The following ATP8A2 variants were observed in gnomAD, a reference collection of about 807,000 sequenced individuals.
ATP8A2 encodes the protein ATPase phospholipid transporting 8A2.
ATP8A2 carries 100 observed loss-of-function variants against 165.6 expected under a neutral mutation model. The observed-to-expected ratio is 0.60, with a 90% confidence interval of 0.51 to 0.71. ATP8A2 has a LOEUF of 0.71. Ranked by LOEUF, ATP8A2 falls within the 30% of genes least tolerant of loss-of-function variation. The pLI is 0.00. For synonymous variants in ATP8A2, 543 were observed against 548.8 expected, an observed-to-expected ratio of 0.99 and a Z score of 0.15; for missense variants, 1,227 against 1,479.5, an observed-to-expected ratio of 0.83 and a Z score of 2.80.
chr13:25,962,847 T>G (rs1158196848), intron 34 of ATP8A2, among the ~76,000 whole-genome samples: 1 of 152,208 alleles, frequency 6.6e-6, no homozygotes, highest in African/African-American at 2.4e-5. Flanking sequence ...TGACAACCGA[T>G]GATACCTCAT....
At chr13:25,513,587 T>A (rs939103816) in intron 2 of ATP8A2, among the ~76,000 whole-genome samples, 3 of 151,854 alleles carry the variant, frequency 2.0e-5, no homozygotes, top group African/African-American at 7.3e-5. Flanking sequence ...TCTCGGCACT[T>A]TGGGAGGCCA....
At chr13:25,831,976 G>A (rs558278743) in intron 28 of ATP8A2, among the ~76,000 whole-genome samples, 1 of 151,840 alleles carries the variant, frequency 6.6e-6, no homozygotes, top group South Asian at 2.1e-4. Context: ...TTTCACTCCT[G>A]TTGCCCAGGC....
intron 35 of ATP8A2, among the ~76,000 whole-genome samples, chr13:25,971,001 GGT>G (rs751675099): frequency 6.6e-6 from 1 of 151,782 alleles, no homozygotes; most frequent in Non-Finnish European, 1.5e-5. Context: ...CATATGATGG[GGT>G]GTGTGTGTGT....
intron 24 of ATP8A2, among the ~76,000 whole-genome samples, chr13:25,631,329 A>G (rs1463503489): frequency 6.6e-6 from 1 of 152,190 alleles, no homozygotes; most frequent in African/African-American, 2.4e-5. Context: ...TTTATATGTA[A>G]TTAGGCACAT....
Position 25,742,629 on chromosome 13 carries a change from TC to T in ATP8A2, c.2385-26410del, listed in dbSNP as rs902531718. Among the ~76,000 whole-genome samples, 401 of 149,836 alleles carry T rather than the reference TC, an allele frequency of 2.7e-3. 4 individuals carry two copies. The highest frequency in any genetic ancestry group is 9.3e-3 in the African/African-American group (381 of 40,818). On this transcript the variant is annotated intron_variant, in intron 25 of 36. Coordinates refer to ENST00000381655, the MANE Select transcript of ATP8A2 (RefSeq NM_016529.6). ...TCCTAAACATATTTGACTTAATTAA[TC>T]CCCCCCACACACCCCACTCCACTTT...
chr13:25,576,623 C>A (rs940122438), intron 19 of ATP8A2, among the ~76,000 whole-genome samples: 1 of 152,070 alleles, frequency 6.6e-6, no homozygotes, highest in Admixed American at 6.5e-5. Flanking sequence ...TTTGTGATTT[C>A]TTTCTACTCC....
At chr13:26,002,514 T>C (rs907711862) in intron 35 of ATP8A2, among the ~76,000 whole-genome samples, 2 of 151,248 alleles carry the variant, frequency 1.3e-5, no homozygotes, top group African/African-American at 2.4e-5. Context: ...TGTATACATA[T>C]GTAACAAACC....
At chr13:25,936,633 A>G (rs1445110126) in intron 33 of ATP8A2, among the ~76,000 whole-genome samples, 1 of 152,244 alleles carries the variant, frequency 6.6e-6, no homozygotes, top group Non-Finnish European at 1.5e-5. Flanking sequence ...GCATCCGAGT[A>G]GAATCCTCTG....
intron 1 of ATP8A2, among the ~76,000 whole-genome samples, chr13:25,423,293 C>T (rs1467928309): frequency 1.3e-5 from 2 of 152,172 alleles, no homozygotes; most frequent in Admixed American, 6.5e-5. Flanking sequence ...TGATAGCTTT[C>T]CTTATTTGTA....
At chr13:25,935,088 C>G (rs1404405000) in intron 33 of ATP8A2, among the ~76,000 whole-genome samples, 1 of 152,174 alleles carries the variant, frequency 6.6e-6, no homozygotes, top group Non-Finnish European at 1.5e-5. Flanking sequence ...CCAGCAAACA[C>G]CCTACAAAGA....
At chr13:25,442,533 C>A (rs1365089167) in intron 1 of ATP8A2, among the ~76,000 whole-genome samples, 1 of 151,334 alleles carries the variant, frequency 6.6e-6, no homozygotes, top group East Asian at 1.9e-4. Context: ...CCTGCCTCAG[C>A]CTCCTGAGTA....
At chr13:26,006,675 A>G (rs541883772) in intron 35 of ATP8A2, among the ~76,000 whole-genome samples, 4 of 151,966 alleles carry the variant, frequency 2.6e-5, no homozygotes, top group Non-Finnish European at 5.9e-5. Context: ...TTTCATGATA[A>G]GGAATTTCCC....
chr13:25,673,427 G>A (rs1188992860), intron 24 of ATP8A2, among the ~76,000 whole-genome samples: 11 of 152,228 alleles, frequency 7.2e-5, no homozygotes, highest in Non-Finnish European at 1.5e-4. Flanking sequence ...TACTGCACAG[G>A]AAATGGATTC....
Position 25,839,604 on chromosome 13 carries a change from C to G in ATP8A2, c.2936C>G (p.Pro979Arg). Residue 979 changes from proline (P) to arginine (R), a missense_variant, in exon 30 of 37, where the codon CCC becomes CGC. Coordinates refer to ENST00000381655, the MANE Select transcript of ATP8A2 (RefSeq NM_016529.6). ...LVHSLILFWFPMKALEHDTVL... is the reference protein window; with the variant it reads ...LVHSLILFWFRMKALEHDTVL... ...CACTCCCTCATCCTCTTCTGGTTTC[C>G]CATGAAAGCTCTGGAGCATGGTAAG... is the stretch of plus-strand genomic sequence containing the variant. The G allele has an allele frequency of 9.9e-6, 16 of 1,614,004 alleles. No individual in the cohort carries two copies. Among genetic ancestry groups the G allele is most frequent in the Non-Finnish European group, 1.4e-5 (16 of 1,179,910 alleles).
intron 21 of ATP8A2, among the ~76,000 whole-genome samples, chr13:25,579,129 C>T (rs1167066502): frequency 6.6e-6 from 1 of 152,162 alleles, no homozygotes; most frequent in Non-Finnish European, 1.5e-5. Flanking sequence ...TGTAGAATCA[C>T]CTTTAGTTAC....
chr13:25,866,988 C>T (rs1952525100), intron 33 of ATP8A2, among the ~76,000 whole-genome samples: 1 of 152,164 alleles, frequency 6.6e-6, no homozygotes, highest in African/African-American at 2.4e-5. Flanking sequence ...TGGAAAAATT[C>T]TCCTCACTAA....
At chr13:25,685,830 T>C (rs2042589568) in intron 24 of ATP8A2, among the ~76,000 whole-genome samples, 1 of 152,086 alleles carries the variant, frequency 6.6e-6, no homozygotes, top group South Asian at 2.1e-4. Context: ...GGACCTGCCT[T>C]CCATGGTAAC....
chr13:25,555,725 A>G (rs1428857853), intron 13 of ATP8A2, among the ~76,000 whole-genome samples: 1 of 151,936 alleles, frequency 6.6e-6, no homozygotes, highest in East Asian at 1.9e-4. Flanking sequence ...GAATGATCCC[A>G]TCACTCATGT....
intron 33 of ATP8A2, among the ~76,000 whole-genome samples, chr13:25,892,600 T>TCTCC (rs1491264093): frequency 1.3e-5 from 2 of 151,140 alleles, no homozygotes; most frequent in Admixed American, 1.3e-4. Context: ...TCTCTCTCTC[T>TCTCC]CCCTCCTCCT....
Sources: allele counts gnomAD v4.1 joint callset (sites outside exome capture counted in the v4.1 genomes callset), GRCh38; gene constraint gnomAD v4.1.1; transcripts MANE v1.5; gene names NCBI Gene and HGNC (gene_info 2026-07-23, HGNC 2026-07-21).